UTP14A: variants seen among roughly 807,000 people sequenced by gnomAD.
UTP14A encodes UTP14A small subunit processome component.
In UTP14A, 5 loss-of-function variants were observed where a neutral mutation model predicts 57.2. That is an observed-to-expected ratio of 0.09 (90% CI 0.05 to 0.18). The LOEUF is 0.18. UTP14A is among the 10% of genes least tolerant of loss of function. The pLI is 1.00. For missense variants in UTP14A, 430 were observed against 562.1 expected (o/e 0.76, Z 2.38); for synonymous variants, 169 against 210.9 (o/e 0.80, Z 1.72).
At chrX:129,919,335 A>G in intron 7 of UTP14A, 41 bp downstream of exon 7, 1 of 1,211,217 alleles carries the variant, frequency 8.3e-7, no homozygotes, top group Non-Finnish European at 1.1e-6. Flanking sequence ...CAGGCATGCC[A>G]CGCTTCTCCT....
chrX:129,915,668 T>A (rs1385579058), intron 6 of UTP14A, among the ~76,000 whole-genome samples: 2 of 111,300 alleles, frequency 1.8e-5, no homozygotes, highest in East Asian at 5.6e-4. Context: ...AATCTTGTTA[T>A]CTGATGAGAA....
In UTP14A at chrX:129,929,628, C is replaced by T. The variant is rs1055036; in HGVS notation, c.*20C>T. 26 of 1,201,011 alleles carry T rather than the reference C, an allele frequency of 2.2e-5. No individual in the cohort carries two copies. The highest frequency in any genetic ancestry group is 2.8e-5 in the Non-Finnish European group (25 of 888,513). On this transcript the variant is annotated 3_prime_UTR_variant, in exon 15 of 15. Transcript: ENST00000394422. ...GATTGAGTTGCTGGAGGAGTGACAGCCAGGAGCCCTGACTTCACTTCCTTT... is the reference window on the plus strand; with the variant it reads ...GATTGAGTTGCTGGAGGAGTGACAGTCAGGAGCCCTGACTTCACTTCCTTT...
intron 5 of UTP14A, 119 bp from the exon 6 acceptor site, chrX:129,911,619 ACTAGCATCCTGATTCTTTCATCCTGATT>A: frequency 1.5e-6 from 1 of 649,444 alleles, no homozygotes; most frequent in Non-Finnish European, 2.4e-6. Context: ...AAGCAAGAGG[ACTAGCATCCTGATTCTTTCATCCTGATT>A]CTAGCATCCT....
In UTP14A at chrX:129,929,558, C is replaced by T. The variant is rs1434214841; in HGVS notation, c.2266C>T (p.Arg756Ter). 1.7e-6 allele frequency: 2 copies of T among 1,211,433 alleles called. No homozygotes were observed. Among genetic ancestry groups the T allele is most frequent in the Non-Finnish European group, 2.2e-6 (2 of 895,427 alleles). The stretch of plus-strand genomic sequence containing the variant: ...GTCTGTCATACAGAGGAATCCAAAA[C>T]GAATCACCACACGTCACAAAAAACA... ...DLSVIQRNPK[R>*]ITTRHKKQLK... is the part of the protein sequence containing the mutation. The change falls in exon 15 of 15, where the codon CGA becomes TGA. Residue 756 changes from arginine (R) to a stop codon, truncating the protein, a stop_gained. Transcript: ENST00000394422. LOFTEE classifies it high-confidence loss of function.
At chrX:129,924,144 G>T (rs1281981252) in intron 11 of UTP14A, among the ~76,000 whole-genome samples, 1 of 109,998 alleles carries the variant, frequency 9.1e-6, no homozygotes, top group Non-Finnish European at 1.9e-5. Context: ...TGTTGGAGGG[G>T]TGGAGGTGGT....
rs769768009 is a variant in UTP14A at position 129,921,398 on chromosome X, G to T, written c.1159G>T (p.Ala387Ser). ...LRSCTSDTKE[A>S]ATQEDPEQLP... ...GAGCTGCACCAGTGACACCAAAGAG[G>T]CTGCAACCCAGGAGGACCCTGAGCA... is the stretch of plus-strand genomic sequence containing the variant. The change falls in exon 11 of 15, where the codon GCT (alanine) becomes TCT (serine). Residue 387 changes from alanine (A) to serine (S), a missense_variant. Transcript: ENST00000394422. 8.3e-7 allele frequency: 1 copy of T among 1,210,112 alleles called. No individual in the cohort carries two copies. Among genetic ancestry groups the T allele is most frequent in the East Asian group, 3.0e-5 (1 of 33,792 alleles).
chrX:129,917,175 AAATTG>A (rs762197948), intron 6 of UTP14A, among the ~76,000 whole-genome samples: 12 of 112,230 alleles, frequency 1.1e-4, no homozygotes, highest in African/African-American at 2.9e-4. Context: ...AAATGTTTGT[AAATTG>A]AATTGAATTG....
intron 8 of UTP14A, 41 bp downstream of exon 8, chrX:129,919,530 G>T (rs1297621557): frequency 4.3e-6 from 5 of 1,173,825 alleles, no homozygotes; most frequent in Non-Finnish European, 5.8e-6. Flanking sequence ...TTCCACAGAA[G>T]AAAGTCATGT....
At chrX:129,907,257 A>C (rs1929287255) in intron 1 of UTP14A, 110 bp from the exon 2 acceptor site, 1 of 590,939 alleles carries the variant, frequency 1.7e-6, no homozygotes, top group Admixed American at 4.5e-5. Flanking sequence ...TGCTTCAAAT[A>C]ATAATATTTC....
intron 6 of UTP14A, among the ~76,000 whole-genome samples, chrX:129,914,279 T>C (rs1929593861): frequency 9.0e-6 from 1 of 111,161 alleles, no homozygotes; most frequent in Non-Finnish European, 1.9e-5. Flanking sequence ...TTCTAGAAAC[T>C]GAATATCAAG....
At chrX:129,911,529 C>T (rs1929467501) in intron 5 of UTP14A, among the ~76,000 whole-genome samples, 1 of 111,071 alleles carries the variant, frequency 9.0e-6, no homozygotes, top group Non-Finnish European at 1.9e-5. Context: ...GAGATTGCAC[C>T]ATTGCTCTCC....
intron 14 of UTP14A, among the ~76,000 whole-genome samples, chrX:129,928,236 T>G (rs2066661735): frequency 9.6e-6 from 1 of 104,248 alleles, no homozygotes; most frequent in African/African-American, 3.5e-5. Context: ...CAAAAAAAAA[T>G]TAGCCAGGCA....
intron 6 of UTP14A, among the ~76,000 whole-genome samples, chrX:129,916,872 AT>A (rs1929713297): frequency 1.8e-5 from 2 of 111,544 alleles, no homozygotes; most frequent in Non-Finnish European, 3.8e-5. Context: ...TCCTGACAGA[AT>A]TGTACTTAGG....
intron 5 of UTP14A, 129 bp from the exon 6 acceptor site, chrX:129,911,623 GCATCCTGATTCTTT>G (rs1199262834): frequency 1.2e-5 from 8 of 674,923 alleles, no homozygotes; most frequent in Middle Eastern, 5.1e-4. Context: ...AAGAGGACTA[GCATCCTGATTCTTT>G]CATCCTGATT....
At chrX:129,906,738 G>T (rs1379446946) in intron 1 of UTP14A, among the ~76,000 whole-genome samples, 2 of 105,493 alleles carry the variant, frequency 1.9e-5, no homozygotes, top group Non-Finnish European at 3.9e-5. Context: ...TTAGGTAATG[G>T]TACATTTTAT....
chrX:129,915,515 ACT>A (rs1284868970), intron 6 of UTP14A, among the ~76,000 whole-genome samples: 1 of 87,980 alleles, frequency 1.1e-5, no homozygotes, highest in East Asian at 3.5e-4. Context: ...ACAGAGCGAG[ACT>A]CTGTCTCAAA....
At chrX:129,908,854 C>T (rs1378534049) in intron 4 of UTP14A, 120 bp downstream of exon 4, 10 of 641,678 alleles carry the variant, frequency 1.6e-5, no homozygotes, top group Non-Finnish European at 2.5e-5. Context: ...ACCATAAATA[C>T]CTGGGAGAGT....
chrX:129,911,418 A>G (rs1929462620), intron 5 of UTP14A, among the ~76,000 whole-genome samples: 1 of 110,755 alleles, frequency 9.0e-6, no homozygotes, highest in Admixed American at 9.7e-5. Context: ...CCCCGTCTCT[A>G]CTAAAAATAC....
intron 6 of UTP14A, among the ~76,000 whole-genome samples, chrX:129,918,348 C>G (rs773855911): frequency 5.0e-4 from 52 of 103,508 alleles, no homozygotes; most frequent in African/African-American, 1.8e-3. Flanking sequence ...GATTGGAGTG[C>G]CAGTGGACTC....
Sources: allele counts gnomAD v4.1 joint callset (sites outside exome capture counted in the v4.1 genomes callset), GRCh38; gene constraint gnomAD v4.1.1; transcripts MANE v1.5; gene names NCBI Gene and HGNC (gene_info 2026-07-23, HGNC 2026-07-21).